The following DYNC1I2 variants were observed in gnomAD, a reference collection of about 807,000 sequenced individuals.
DYNC1I2 encodes cytoplasmic dynein 1 intermediate chain 2.
DYNC1I2 carries 53 observed loss-of-function variants against 88.6 expected under a neutral mutation model. That is an observed-to-expected ratio of 0.60 (90% CI 0.48 to 0.75). The LOEUF (loss-of-function observed/expected upper bound fraction) is 0.75. Among genes scored for constraint, DYNC1I2 ranks in the 30% least tolerant of loss-of-function variants. The pLI, the probability that DYNC1I2 is intolerant of heterozygous loss-of-function variation, is 0.00. For synonymous variants in DYNC1I2, 198 were observed against 254.6 expected, an observed-to-expected ratio of 0.78 and a Z score of 2.12; for missense variants, 458 against 766.6, an observed-to-expected ratio of 0.60 and a Z score of 4.75.
intron 5 of DYNC1I2, among the ~76,000 whole-genome samples, chr2:171,710,268 T>C (rs748386466): frequency 1.1e-4 from 16 of 152,142 alleles, no homozygotes; most frequent in Admixed American, 7.9e-4. Flanking sequence ...CATTTCTAAA[T>C]ATGTGACATT....
intron 15 of DYNC1I2, among the ~76,000 whole-genome samples, chr2:171,742,242 A>G (rs1415468701): frequency 6.6e-6 from 1 of 151,882 alleles, no homozygotes; most frequent in African/African-American, 2.4e-5. Flanking sequence ...GTGTGATTTC[A>G]GCTCACTGCA....
chr2:171,714,885 T>C (rs1687380103), intron 6 of DYNC1I2, among the ~76,000 whole-genome samples: 1 of 152,188 alleles, frequency 6.6e-6, no homozygotes, highest in Non-Finnish European at 1.5e-5. Context: ...AACCTGTTTT[T>C]CAGTCGTAAA....
intron 16 of DYNC1I2, among the ~76,000 whole-genome samples, chr2:171,744,653 G>GT (rs1689664542): frequency 6.6e-6 from 1 of 152,104 alleles, no homozygotes; most frequent in South Asian, 2.1e-4. Context: ...TTTTTGATGA[G>GT]TTTTTTCTAT....
chr2:171,726,162 A>G (rs775948802), intron 9 of DYNC1I2, 32 bp from the exon 10 acceptor site: 9 of 1,588,980 alleles, frequency 5.7e-6, no homozygotes, highest in African/African-American at 1.4e-5. Flanking sequence ...TTATAACACC[A>G]TCTTTTTGGG....
At chr2:171,735,697 C>T (rs914829466) in intron 15 of DYNC1I2, among the ~76,000 whole-genome samples, 6 of 152,192 alleles carry the variant, frequency 3.9e-5, no homozygotes, top group African/African-American at 7.2e-5. Flanking sequence ...AGCACTTTGG[C>T]AGGTCTGAAA....
rs148277821 is a variant in DYNC1I2, at chr2:171,742,367, T to G, written c.1537-1682T>G. ...TTTGTATTTTTTGTGGAGATGGGGT[T>G]TTGCCATGTTGCCAAGCTGGTCTCA... On this transcript the variant is annotated intron_variant, in intron 15 of 17. Coordinates refer to ENST00000397119, the MANE Select transcript of DYNC1I2 (RefSeq NM_001378.3). Among the ~76,000 whole-genome samples the G allele has an allele frequency of 6.2e-3, 944 of 152,156 alleles. 14 individuals carry two copies. Among genetic ancestry groups the G allele is most frequent in the African/African-American group, 0.022 (914 of 41,518 alleles).
At chr2:171,693,228 C>T (rs960854534) in intron 3 of DYNC1I2, 21 of 281,176 alleles carry the variant, frequency 7.5e-5, no homozygotes, top group African/African-American at 6.7e-5. Context: ...CTGATCTGAA[C>T]TCTATATTCC....
chr2:171,725,500 GGGAGT>G, intron 7 of DYNC1I2, 113 bp from the exon 8 acceptor site: 1 of 615,940 alleles, frequency 1.6e-6, no homozygotes, highest in Non-Finnish European at 2.7e-6. Flanking sequence ...CTTATATCTT[GGGAGT>G]TGTGATACCT....
intron 3 of DYNC1I2, among the ~76,000 whole-genome samples, chr2:171,698,576 CAG>C (rs894209112): frequency 2.6e-5 from 4 of 151,952 alleles, no homozygotes; most frequent in African/African-American, 7.2e-5. Flanking sequence ...TTAGTAGAAA[CAG>C]GGTCTCACAG....
intron 15 of DYNC1I2, among the ~76,000 whole-genome samples, chr2:171,738,413 T>C (rs1412153299): frequency 6.6e-6 from 1 of 152,224 alleles, no homozygotes; most frequent in Non-Finnish European, 1.5e-5. Flanking sequence ...GATTGATTCA[T>C]ATTTGTTAGT....
chr2:171,726,694 T>C lies in DYNC1I2; in HGVS notation c.871-97T>C, dbSNP rs1041560246. 3 of 1,414,490 alleles carry C rather than the reference T, an allele frequency of 2.1e-6. No individual in the cohort carries two copies. The African/African-American group carries it at 4.3e-5, about 20-fold the overall frequency. 87.6% of individuals were successfully genotyped at this position (1,414,490 alleles called of 1,614,324 possible). A position where few individuals can be genotyped will look rare whatever the true frequency, so the allele number is the denominator to read the frequency against. The stretch of plus-strand genomic sequence containing the variant: ...CTTGATGAAATGTTAGGTATTTGTA[T>C]TTGCAGAATAATAATCTGATAAAGA... On this transcript the variant is annotated intron_variant, in intron 10 of 17. Coordinates refer to ENST00000397119, the MANE Select transcript of DYNC1I2 (RefSeq NM_001378.3).
chr2:171,725,897 C>CA, intron 8 of DYNC1I2, 22 bp from the exon 9 acceptor site: 1 of 1,553,208 alleles, frequency 6.4e-7, no homozygotes, highest in Middle Eastern at 1.8e-4. Context: ...AATCATACTT[C>CA]AAAAAATTAT....
At chr2:171,688,212 C>T (rs1013840496) in intron 1 of DYNC1I2, 1 of 152,258 alleles carries the variant, frequency 6.6e-6, no homozygotes, top group African/African-American at 2.4e-5. Context: ...AAGGCCATCT[C>T]TACTTGCCTT....
chr2:171,723,041 C>T (rs1688002299), intron 7 of DYNC1I2, among the ~76,000 whole-genome samples: 1 of 152,170 alleles, frequency 6.6e-6, no homozygotes, highest in South Asian at 2.1e-4. Context: ...CACTGTCTGA[C>T]ATATTTCATC....
intron 5 of DYNC1I2, among the ~76,000 whole-genome samples, chr2:171,710,865 G>A (rs1386484173): frequency 1.4e-5 from 2 of 147,528 alleles, no homozygotes; most frequent in Non-Finnish European, 3.0e-5. Flanking sequence ...ACCATACCCA[G>A]CTACTTTTTT....
chr2:171,720,901 G>A (rs1229481605), intron 7 of DYNC1I2, among the ~76,000 whole-genome samples: 1 of 151,776 alleles, frequency 6.6e-6, no homozygotes, highest in African/African-American at 2.4e-5. Flanking sequence ...TGAAACCCTG[G>A]CCTCAGAAAA....
chr2:171,689,202 A>T lies in DYNC1I2; in HGVS notation c.-9-945A>T, dbSNP rs564917929. ...AAAAATAACTAAAAAACAGTCCCTGATTTCAAGTACATTACAATCTAATAG... is the reference window on the plus strand; with the variant it reads ...AAAAATAACTAAAAAACAGTCCCTGTTTTCAAGTACATTACAATCTAATAG... On this transcript the variant is annotated intron_variant, in intron 1 of 17. Transcript: ENST00000397119. Among the ~76,000 whole-genome samples, 4 of 152,326 alleles carry T rather than the reference A, an allele frequency of 2.6e-5. No homozygotes were observed. The East Asian group carries it at 7.7e-4, about 29-fold the overall frequency.
At chr2:171,724,304 G>A (rs1265060308) in intron 7 of DYNC1I2, among the ~76,000 whole-genome samples, 1 of 152,324 alleles carries the variant, frequency 6.6e-6, no homozygotes, top group Non-Finnish European at 1.5e-5. Flanking sequence ...AACAGTATGT[G>A]TGTGGTTTGG....
At chr2:171,693,268 G>T (rs1685524811) in intron 3 of DYNC1I2, among the ~76,000 whole-genome samples, 1 of 152,152 alleles carries the variant, frequency 6.6e-6, no homozygotes, top group African/African-American at 2.4e-5. Flanking sequence ...GATACAATCA[G>T]ACTTATATTG....
Sources: gnomAD v4.1 joint callset for allele counts (sites outside exome capture counted in the v4.1 genomes callset) on GRCh38, gnomAD v4.1.1 for gene constraint, MANE v1.5 for transcripts, NCBI Gene and HGNC (gene_info 2026-07-23, HGNC 2026-07-21) for gene names.